Variants in FIP1L1 observed in about 807,000 individuals in gnomAD.
The protein encoded by FIP1L1 is pre-mRNA 3'-end-processing factor FIP1.
A neutral mutation model predicts 84.6 loss-of-function variants in FIP1L1; 21 were observed. That is an observed-to-expected ratio of 0.25 (90% CI 0.18 to 0.36). FIP1L1 has a LOEUF of 0.36. Ranked by LOEUF, FIP1L1 falls within the 10% of genes least tolerant of loss-of-function variation. The pLI, the probability that FIP1L1 is intolerant of heterozygous loss-of-function variation, is 1.00. For synonymous variants in FIP1L1, 263 were observed against 242.3 expected (o/e 1.09, Z -0.80); for missense variants, 526 against 751.1 (o/e 0.70, Z 3.50).
intron 14 of FIP1L1, 105 bp downstream of exon 14, chr4:53,442,812 T>C: frequency 1.6e-6 from 1 of 618,358 alleles, no homozygotes; most frequent in Non-Finnish European, 2.8e-6. Context: ...ACACAGCACC[T>C]GTCTTTTAAT....
Position 53,379,061 on chromosome 4 carries a change from A to G in FIP1L1, c.86-12A>G, listed in dbSNP as rs1736349919. The G allele has an allele frequency of 1.2e-6, 2 of 1,612,660 alleles. No homozygotes were observed. Among genetic ancestry groups the G allele is most frequent in the African/African-American group, 1.3e-5 (1 of 74,870 alleles). On this transcript the variant is annotated splice_polypyrimidine_tract_variant and intron_variant, in intron 1 of 17. Transcript: ENST00000337488. ...TAATTATAAGGTGATCTAACTTTGG[A>G]TGTGCTTATAGGCCCATGGGACGTG...
chr4:53,394,869 G>GT (rs1239183070), intron 9 of FIP1L1, among the ~76,000 whole-genome samples: 17 of 150,610 alleles, frequency 1.1e-4, no homozygotes, highest in African/African-American at 2.2e-4. Context: ...CTTAACAAGG[G>GT]TTTTTTTTTA....
At chr4:53,380,423 A>T (rs145195470) in intron 3 of FIP1L1, among the ~76,000 whole-genome samples, 42 of 152,342 alleles carry the variant, frequency 2.8e-4, no homozygotes, top group Non-Finnish European at 4.3e-4. Context: ...GTGATTGCTA[A>T]TGTATACAAA....
At chr4:53,384,240 C>G (rs574380645) in intron 5 of FIP1L1, among the ~76,000 whole-genome samples, 1 of 152,140 alleles carries the variant, frequency 6.6e-6, no homozygotes, top group Admixed American at 6.5e-5. Context: ...GAAACCTTAT[C>G]TCTACTAAAA....
chr4:53,426,277 C>T (rs1257915369), intron 12 of FIP1L1, among the ~76,000 whole-genome samples: 8 of 151,896 alleles, frequency 5.3e-5, no homozygotes, highest in East Asian at 1.9e-4. Context: ...AATGTTCATA[C>T]GTATGTAATC....
chr4:53,396,342 A>C (rs922591074), intron 9 of FIP1L1, among the ~76,000 whole-genome samples: 1 of 152,244 alleles, frequency 6.6e-6, no homozygotes, highest in Non-Finnish European at 1.5e-5. Context: ...TTACAATTAC[A>C]TGGTGAGAAA....
chr4:53,442,461 GCTTA>G (rs1175497561), intron 13 of FIP1L1, 188 bp from the exon 14 acceptor site: 4 of 547,054 alleles, frequency 7.3e-6, no homozygotes, highest in Non-Finnish European at 1.3e-5. Flanking sequence ...AGACCAGACT[GCTTA>G]CTTAAAGTTT....
intron 11 of FIP1L1, among the ~76,000 whole-genome samples, chr4:53,424,458 C>T (rs1763574656): frequency 1.3e-5 from 2 of 152,100 alleles, no homozygotes; most frequent in Admixed American, 1.3e-4. Context: ...TGAAATCATT[C>T]ATGATCTTTG....
intron 13 of FIP1L1, among the ~76,000 whole-genome samples, chr4:53,436,830 A>G (rs202113366): frequency 3.3e-5 from 5 of 150,912 alleles, no homozygotes; most frequent in Admixed American, 2.0e-4. Flanking sequence ...AGTTCTTTCA[A>G]TCTCCAAAAT....
chr4:53,418,456 A>G (rs1354961855), intron 11 of FIP1L1, among the ~76,000 whole-genome samples: 5 of 152,320 alleles, frequency 3.3e-5, no homozygotes, highest in South Asian at 2.1e-4. Flanking sequence ...AGCTAAATCT[A>G]TATGTATAAC....
intron 4 of FIP1L1, 80 bp downstream of exon 4, chr4:53,382,415 C>A: frequency 9.1e-7 from 1 of 1,100,282 alleles, no homozygotes; most frequent in Non-Finnish European, 1.4e-6. Flanking sequence ...AGCAAGCTGG[C>A]ATTTTACATT....
At chr4:53,397,403 A>C (rs1208125861) in intron 9 of FIP1L1, among the ~76,000 whole-genome samples, 1 of 152,152 alleles carries the variant, frequency 6.6e-6, no homozygotes, top group Non-Finnish European at 1.5e-5. Flanking sequence ...TGGTCCAAAA[A>C]CACCGTTTTT....
Position 53,459,562 on chromosome 4 carries a change from T to A in FIP1L1, c.*113T>A. ...CCTTAAATCTTGTTCTGTTTGTTAG[T>A]ATGAAAAGTTAACTTTTTTTCCAAA... On this transcript the variant is annotated 3_prime_UTR_variant, in exon 18 of 18. Coordinates refer to ENST00000337488, the MANE Select transcript of FIP1L1 (RefSeq NM_030917.4). The A allele has an allele frequency of 6.9e-7, 1 of 1,454,070 alleles. No homozygotes were observed. Among genetic ancestry groups the A allele is most frequent in the Non-Finnish European group, 9.4e-7 (1 of 1,058,744 alleles). 90.1% of individuals were successfully genotyped at this position (1,454,070 alleles called of 1,614,324 possible). A position where few individuals can be genotyped will look rare whatever the true frequency, so the allele number is the denominator to read the frequency against.
chr4:53,425,855 C>T lies in FIP1L1; in HGVS notation c.924-17C>T. 6.3e-7 allele frequency: 1 copy of T among 1,578,566 alleles called. No homozygotes were observed. Among genetic ancestry groups the T allele is most frequent in the South Asian group, 1.1e-5 (1 of 87,328 alleles). ...CTAATTAGGTGAAACTGAATTGATT[C>T]AATTTTTATGTTACAGGAGATTACC... On this transcript the variant is annotated splice_polypyrimidine_tract_variant and intron_variant, in intron 11 of 17. Coordinates refer to ENST00000337488, the MANE Select transcript of FIP1L1 (RefSeq NM_030917.4).
At chr4:53,422,225 C>CT (rs1762680219) in intron 11 of FIP1L1, among the ~76,000 whole-genome samples, 1 of 151,944 alleles carries the variant, frequency 6.6e-6, no homozygotes. Context: ...GTTTCTTTTG[C>CT]TTTTTTCCTA....
chr4:53,443,158 G>T (rs1454860277), intron 14 of FIP1L1, among the ~76,000 whole-genome samples: 1 of 152,104 alleles, frequency 6.6e-6, no homozygotes, highest in Non-Finnish European at 1.5e-5. Context: ...GATCCATTCT[G>T]TGTGGCAGTA....
At chr4:53,412,476 A>G (rs1757664308) in intron 10 of FIP1L1, among the ~76,000 whole-genome samples, 1 of 152,078 alleles carries the variant, frequency 6.6e-6, no homozygotes, top group South Asian at 2.1e-4. Context: ...AATCTGGATC[A>G]GCTTCTTAGC....
At chr4:53,406,353 T>G (rs559527860) in intron 10 of FIP1L1, among the ~76,000 whole-genome samples, 1 of 152,342 alleles carries the variant, frequency 6.6e-6, no homozygotes, top group East Asian at 1.9e-4. Flanking sequence ...ATCCCAGGGA[T>G]GAAGCCCACT....
At chr4:53,458,598 T>G (rs1720753675) in intron 16 of FIP1L1, 55 bp from the exon 17 acceptor site, 20 of 1,567,312 alleles carry the variant, frequency 1.3e-5, no homozygotes, top group Non-Finnish European at 1.7e-5. Flanking sequence ...ACAGTTTGAA[T>G]CCATTCAGAA....
Sources: gnomAD v4.1 joint callset for allele counts (sites outside exome capture counted in the v4.1 genomes callset) on GRCh38, gnomAD v4.1.1 for gene constraint, MANE v1.5 for transcripts, NCBI Gene and HGNC (gene_info 2026-07-23, HGNC 2026-07-21) for gene names.